The following CROCC variants were observed in gnomAD, a reference collection of about 807,000 sequenced individuals.
The protein encoded by CROCC is rootletin.
In CROCC, 180 loss-of-function variants were observed where a neutral mutation model predicts 245.2. The ratio of observed to expected loss-of-function variants is 0.73; its 90% confidence interval spans 0.65 to 0.83. The LOEUF (loss-of-function observed/expected upper bound fraction) is 0.83. Ranked by LOEUF, CROCC falls within the 40% of genes least tolerant of loss-of-function variation. The pLI, the probability that CROCC is intolerant of heterozygous loss-of-function variation, is 0.00. For missense variants in CROCC, 2,688 were observed against 2,779.4 expected, an observed-to-expected ratio of 0.97 and a Z score of 0.74; for synonymous variants, 1,205 against 1,241.6, an observed-to-expected ratio of 0.97 and a Z score of 0.62.
At position 16,966,617 on chromosome 1, in the gene CROCC, C is replaced by T; in HGVS notation, c.4860+46C>T. The T allele has an allele frequency of 8.3e-6, 12 of 1,441,546 alleles. No homozygotes were observed. The highest frequency in any genetic ancestry group is 1.1e-5 in the Non-Finnish European group (12 of 1,099,364). 89.3% of individuals were successfully genotyped at this position (1,441,546 alleles called of 1,614,324 possible). On this transcript the variant is annotated intron_variant, in intron 30 of 36. Transcript: ENST00000375541. The surrounding 1 kb of genome is among the most constrained non-coding windows in gnomAD (Gnocchi z 4.8). ...AGCGGGGCGACGGGGAATCTGTGTACCCGAGTGAGTGTCTAACTCTTATGT... is the reference window on the plus strand; with the variant it reads ...AGCGGGGCGACGGGGAATCTGTGTATCCGAGTGAGTGTCTAACTCTTATGT...
chr1:16,955,881 G>C (rs1302230645), intron 24 of CROCC, 116 bp from the exon 25 acceptor site: 2 of 1,303,248 alleles, frequency 1.5e-6, no homozygotes, highest in African/African-American at 2.9e-5. Flanking sequence ...TCTTCAGAGA[G>C]GCCACATGGG....
intron 14 of CROCC, among the ~76,000 whole-genome samples, chr1:16,944,505 G>A (rs2076003864): frequency 6.6e-6 from 1 of 152,308 alleles, no homozygotes; most frequent in African/African-American, 2.4e-5. Flanking sequence ...GTAGAACTTG[G>A]ATGATAATAA....
In CROCC at chr1:16,958,470, G is replaced by T. The variant is rs1432834247; in HGVS notation, c.3865-113G>T. 3.1e-6 allele frequency: 4 copies of T among 1,271,844 alleles called. No homozygotes were observed. In the African/African-American group the frequency reaches 6.1e-5, roughly 19 times the overall value. 78.8% of individuals were successfully genotyped at this position (1,271,844 alleles called of 1,614,324 possible). A position where few individuals can be genotyped will look rare whatever the true frequency, so the allele number is the denominator to read the frequency against. On this transcript the variant is annotated intron_variant, in intron 25 of 36. Transcript: ENST00000375541. The stretch of plus-strand genomic sequence containing the variant: ...AGGGGCCGGCTCCCAGTGGATGTGG[G>T]GTGGTATTTGATACATGTGTCCCTA...
At chr1:16,930,894 T>C (rs561217890) in intron 7 of CROCC, among the ~76,000 whole-genome samples, 1 of 152,284 alleles carries the variant, frequency 6.6e-6, no homozygotes, top group East Asian at 1.9e-4. Context: ...CCCAGCACTT[T>C]GGGAGGCTGA....
chr1:16,936,018 G>A (rs1216599996), intron 8 of CROCC, among the ~76,000 whole-genome samples: 6 of 135,120 alleles, frequency 4.4e-5, no homozygotes, highest in African/African-American at 1.5e-4. Context: ...GAGTAGGGGA[G>A]GGCCTGTTAC....
chr1:16,922,222 G>T, intron 1 of CROCC, 144 bp downstream of exon 1: 1 of 836,414 alleles, frequency 1.2e-6, no homozygotes, highest in Non-Finnish European at 1.8e-6. Flanking sequence ...CCCGCTTGCA[G>T]TTCCTGGCAA....
intron 24 of CROCC, 101 bp from the exon 25 acceptor site, chr1:16,955,896 C>A: frequency 7.1e-7 from 1 of 1,405,240 alleles, no homozygotes; most frequent in Non-Finnish European, 9.8e-7. Context: ...CATGGGCAGG[C>A]AGTGCCTGAT....
chr1:16,961,332 T>G (rs563259141), intron 27 of CROCC, among the ~76,000 whole-genome samples: 3 of 151,596 alleles, frequency 2.0e-5, no homozygotes, highest in African/African-American at 4.9e-5. Flanking sequence ...CAAGGGCGCT[T>G]CTTTTTTCTT....
intron 3 of CROCC, among the ~76,000 whole-genome samples, chr1:16,925,264 CT>C (rs1241946482): frequency 6.6e-6 from 1 of 152,264 alleles, no homozygotes; most frequent in East Asian, 1.9e-4. Flanking sequence ...ACAGTAGCTA[CT>C]GTTTATTGAG....
At position 16,971,616 on chromosome 1, in the gene CROCC, AC is replaced by A. The variant is rs1354362218; in HGVS notation, c.5938del (p.Arg1980AlafsTer14). On this transcript the variant is annotated frameshift_variant, in exon 36 of 37. Coordinates refer to ENST00000375541, the MANE Select transcript of CROCC (RefSeq NM_014675.5). LOFTEE classifies it high-confidence loss of function. ...ACCCTGGAGGCTCGGGAGCGGGCCC[AC>A]CGCCAGAGGGTGCGTGGGCTGGAGG... The part of the protein sequence containing the change: ...ERTLEARERA[H>X]RQRVRGLEEQ... 5.3e-6 allele frequency: 8 copies of A among 1,514,678 alleles called. No individual in the cohort carries two copies. The highest frequency in any genetic ancestry group is 7.1e-6 in the Non-Finnish European group (8 of 1,130,862). 93.8% of individuals were successfully genotyped at this position (1,514,678 alleles called of 1,614,324 possible). A position where few individuals can be genotyped will look rare whatever the true frequency, so the allele number is the denominator to read the frequency against.
intron 1 of CROCC, among the ~76,000 whole-genome samples, chr1:16,914,270 G>T (rs2075281231): frequency 6.6e-6 from 1 of 152,160 alleles, no homozygotes; most frequent in African/African-American, 2.4e-5. Flanking sequence ...GACTGCCGCG[G>T]CCCGGCACCG....
At position 16,968,368 on chromosome 1, in the gene CROCC, G is replaced by A. The variant is rs868552656; in HGVS notation, c.5026G>A (p.Glu1676Lys). ...CAGCCGCCTGGGCCTCAGTGACCGCGAGGCCCAAGCCCAGGCCCTCCAGGA... is the reference window on the plus strand; with the variant it reads ...CAGCCGCCTGGGCCTCAGTGACCGCAAGGCCCAAGCCCAGGCCCTCCAGGA... ...QRSRLGLSDR[E>K]AQAQALQDRV... The change falls in exon 31 of 37, where the codon GAG becomes AAG. Residue 1676 changes from glutamate (E) to lysine (K), a missense_variant. Glu to Lys is a moderately conservative substitution (Grantham distance 56, BLOSUM62 1). This residue lies in a region of CROCC where 1,218 missense variants were observed against 1,286.3 expected (regional missense o/e 0.95). Coordinates refer to ENST00000375541, the MANE Select transcript of CROCC (RefSeq NM_014675.5). 2.8e-5 allele frequency: 43 copies of A among 1,533,832 alleles called. No homozygotes were observed. Among genetic ancestry groups the A allele is most frequent in the East Asian group, 4.9e-5 (2 of 40,698 alleles).
rs2076282981 is a variant in CROCC, at chr1:16,958,623, AGCTGGCGGAGCTGCAGGGCCGCCTGGC to A, written c.3911_3937del (p.Ala1304_Leu1312del). 6.4e-7 allele frequency: 1 copy of A among 1,555,012 alleles called. No homozygotes were observed. The highest frequency in any genetic ancestry group is 8.7e-7 in the Non-Finnish European group (1 of 1,149,712). ...AGTGAGAACACCAGACTGGGCCGGG[AGCTGGCGGAGCTGCAGGGCCGCCTGGC>A]GCTGGGCGAGCGGGCAGAGAAGGAG... On this transcript the variant is annotated inframe_deletion, in exon 26 of 37. Transcript: ENST00000375541.
rs201265214 is a variant in CROCC, at chr1:16,955,399, C to A, written c.3553C>A (p.Arg1185Ser). The change falls in exon 24 of 37, where the codon CGT becomes AGT. Residue 1185 changes from arginine to serine, a missense_variant. Physicochemically the swap from Arg to Ser is moderately radical, Grantham distance 110. Around this residue, in one of 9 missense-constraint regions of CROCC, gnomAD observed 1,218 missense variants for 1,286.3 expected, o/e 0.95. Coordinates refer to ENST00000375541, the MANE Select transcript of CROCC (RefSeq NM_014675.5). ...GCTGCTGGAGGCCCAGCGCAAGCTG[C>A]GTGAGAGCCAGGAGGGCCGGGAGGT... The part of the protein sequence containing the change: ...RELLEAQRKL[R>S]ESQEGREVQR... 1 of 1,604,546 alleles carries A rather than the reference C, an allele frequency of 6.2e-7. No homozygotes were observed.
At chr1:16,952,145 C>A (rs1440761831) in intron 20 of CROCC, among the ~76,000 whole-genome samples, 1 of 150,788 alleles carries the variant, frequency 6.6e-6, no homozygotes, top group East Asian at 2.0e-4. Flanking sequence ...CCTCGGCCTC[C>A]CAAAGTGCTG....
chr1:16,940,145 G>T, intron 13 of CROCC, 52 bp downstream of exon 13: 1 of 1,542,630 alleles, frequency 6.5e-7, no homozygotes, highest in Non-Finnish European at 8.7e-7. Flanking sequence ...CACCGTCTGG[G>T]CATAACACCA....
rs570960875 is a variant in CROCC, at chr1:16,915,894, A to G, written n.126-14392A>G. Among the ~76,000 whole-genome samples, 48 of 152,352 alleles carry G rather than the reference A, an allele frequency of 3.2e-4. No homozygotes were observed. The South Asian group carries it at 9.8e-3, about 31-fold the overall frequency. ...TGTTTGAGGAATCAAGAAGGCCATG[A>G]GCAGCCAGGTGTGGTGGCTCATGCC... On this transcript the variant is annotated intron_variant and non_coding_transcript_variant, in intron 1 of 8. Transcript: ENST00000466256.
chr1:16,916,776 G>A lies in CROCC; in HGVS notation n.126-13510G>A, dbSNP rs553265941. Among the ~76,000 whole-genome samples, 777 of 152,134 alleles carry A rather than the reference G, an allele frequency of 5.1e-3. 1 individual carries two copies. The highest frequency in any genetic ancestry group is 0.018 in the African/African-American group (737 of 41,326). On this transcript the variant is annotated intron_variant and non_coding_transcript_variant, in intron 1 of 8. Transcript: ENST00000466256. ...AGTCCTCCTACCTTGGCCTCCCAAA[G>A]TGTTGGGATCACAGGTGTGAGTCAG...
At chr1:16,936,419 C>G (rs1313579237) in intron 8 of CROCC, among the ~76,000 whole-genome samples, 1 of 152,286 alleles carries the variant, frequency 6.6e-6, no homozygotes, top group Non-Finnish European at 1.5e-5. Context: ...AGAAGTGCGC[C>G]ACCATGCCTG....
Sources: gnomAD v4.1 joint callset for allele counts (sites outside exome capture counted in the v4.1 genomes callset) on GRCh38, gnomAD v4.1.1 for gene constraint, gnomAD v4.1.1 regional missense constraint, Gnocchi (gnomAD v3.1) non-coding constraint, MANE v1.5 for transcripts, NCBI Gene and HGNC (gene_info 2026-07-23, HGNC 2026-07-21) for gene names.